ABL2: variants seen among roughly 807,000 people sequenced by gnomAD.
The protein encoded by ABL2 is ABL proto-oncogene 2, non-receptor tyrosine kinase.
Under a neutral mutation model 107.7 loss-of-function variants are expected in ABL2, and 49 were observed. That is an observed-to-expected ratio of 0.45 (90% CI 0.36 to 0.58). The LOEUF is 0.58. ABL2 is among the 20% of genes least tolerant of loss of function. The pLI is 0.00. For missense variants in ABL2, 1,245 were observed against 1,457.0 expected (o/e 0.85, Z 2.37); for synonymous variants, 549 against 548.6 (o/e 1.00, Z -0.01).
rs147108535 is a variant in ABL2 at position 179,100,167 on chromosome 1, A to G, written c.*7551T>C. The G allele has an allele frequency of 1.3e-4, 30 of 230,120 alleles. No individual in the cohort carries two copies. In the Middle Eastern group the frequency reaches 3.9e-3, roughly 30 times the overall value. The allele number at this position is 230,120 out of a possible 1,614,324, so 14.3% of individuals were successfully genotyped here. A position where few individuals can be genotyped will look rare whatever the true frequency, so the allele number is the denominator to read the frequency against. ...ATTGACAATTGGCCTAATCATGGTG[A>G]TTTCTCAAGATCTCAAGAAATTCCT... On this transcript the variant is annotated 3_prime_UTR_variant, in exon 12 of 12. Coordinates refer to ENST00000502732, the MANE Select transcript of ABL2 (RefSeq NM_007314.4).
At chr1:179,194,781 G>A (rs868578785) in intron 1 of ABL2, among the ~76,000 whole-genome samples, 31 of 151,370 alleles carry the variant, frequency 2.0e-4, no homozygotes, top group East Asian at 1.2e-3. Flanking sequence ...AATATGTTGC[G>A]TTTAATATGC....
chr1:179,203,121 A>G (rs1187280800), intron 1 of ABL2, among the ~76,000 whole-genome samples: 2 of 152,198 alleles, frequency 1.3e-5, no homozygotes, highest in African/African-American at 4.8e-5. Context: ...CCGTAATAAA[A>G]CATACTGCAT....
At chr1:179,115,231 C>T (rs1427624065) in intron 8 of ABL2, among the ~76,000 whole-genome samples, 2 of 152,182 alleles carry the variant, frequency 1.3e-5, no homozygotes, top group Non-Finnish European at 1.5e-5. Flanking sequence ...CAGATAATCT[C>T]AAGACAGTTT....
intron 1 of ABL2, among the ~76,000 whole-genome samples, chr1:179,187,744 A>T (rs1308826718): frequency 6.6e-6 from 1 of 152,182 alleles, no homozygotes; most frequent in Non-Finnish European, 1.5e-5. Flanking sequence ...AAGAAATAAT[A>T]CTAACTAAAT....
At chr1:179,112,946 G>T (rs964325856) in intron 9 of ABL2, among the ~76,000 whole-genome samples, 4 of 152,114 alleles carry the variant, frequency 2.6e-5, no homozygotes, top group African/African-American at 9.7e-5. Flanking sequence ...GTAGACAGGG[G>T]TTTCGCCATG....
chr1:179,191,331 G>A (rs1283285818), intron 1 of ABL2, among the ~76,000 whole-genome samples: 1 of 149,614 alleles, frequency 6.7e-6, no homozygotes, highest in Non-Finnish European at 1.5e-5. Flanking sequence ...AAATAAGGCT[G>A]TATACTTTTC....
chr1:179,151,228 C>A (rs1658343326), intron 1 of ABL2, among the ~76,000 whole-genome samples: 1 of 152,200 alleles, frequency 6.6e-6, no homozygotes, highest in Non-Finnish European at 1.5e-5. Context: ...CTCATACACT[C>A]ACATTCACAA....
At chr1:179,130,726 T>TTGTGTGTGTGTGTG (rs10643666) in intron 3 of ABL2, among the ~76,000 whole-genome samples, 64 of 142,808 alleles carry the variant, frequency 4.5e-4, no homozygotes, top group African/African-American at 1.6e-3. Flanking sequence ...ATTATTGATT[T>TTGTGTGTGTGTGTG]TGTGTGTGTG....
At chr1:179,197,023 T>C (rs1288736580) in intron 1 of ABL2, among the ~76,000 whole-genome samples, 1 of 151,956 alleles carries the variant, frequency 6.6e-6, no homozygotes, top group African/African-American at 2.4e-5. Flanking sequence ...ATACAAAAAT[T>C]GAATATATCA....
chr1:179,180,517 T>G (rs909354655), intron 1 of ABL2, among the ~76,000 whole-genome samples: 8 of 152,106 alleles, frequency 5.3e-5, no homozygotes, highest in African/African-American at 1.9e-4. Flanking sequence ...CCATGTTCTA[T>G]CATCAGACTT....
At chr1:179,157,307 C>T (rs917310443) in intron 1 of ABL2, among the ~76,000 whole-genome samples, 2 of 152,066 alleles carry the variant, frequency 1.3e-5, no homozygotes, top group African/African-American at 2.4e-5. Context: ...CCAGCCTGGC[C>T]AACATGGTGA....
intron 1 of ABL2, among the ~76,000 whole-genome samples, chr1:179,166,801 A>T (rs1659414406): frequency 6.6e-6 from 1 of 151,882 alleles, no homozygotes; most frequent in African/African-American, 2.4e-5. Flanking sequence ...AAAAGAAAAA[A>T]TGTTCTGTAT....
At chr1:179,207,271 G>A (rs991511761) in intron 1 of ABL2, among the ~76,000 whole-genome samples, 2 of 151,684 alleles carry the variant, frequency 1.3e-5, no homozygotes, top group African/African-American at 4.8e-5. Context: ...AGGGAGGAAA[G>A]AAAGATTGTG....
chr1:179,153,964 C>T (rs1658528745), intron 1 of ABL2, among the ~76,000 whole-genome samples: 1 of 152,170 alleles, frequency 6.6e-6, no homozygotes, highest in Non-Finnish European at 1.5e-5. Context: ...TTGCTAATGG[C>T]ATATCCAGGC....
At chr1:179,214,087 A>G (rs1299638123) in intron 1 of ABL2, among the ~76,000 whole-genome samples, 1 of 152,228 alleles carries the variant, frequency 6.6e-6, no homozygotes, top group Non-Finnish European at 1.5e-5. Flanking sequence ...ATTAGCAATA[A>G]GCAATTAGGA....
At chr1:179,210,287 C>A (rs2102863996) in intron 1 of ABL2, among the ~76,000 whole-genome samples, 1 of 151,720 alleles carries the variant, frequency 6.6e-6, no homozygotes, top group East Asian at 2.0e-4. Flanking sequence ...GGGCGGATCA[C>A]CTGAGGTAAG....
Position 179,108,633 on chromosome 1 carries a change from C to G in ABL2, c.2634G>C (p.Gly878=). 6.2e-7 allele frequency: 1 copy of G among 1,614,188 alleles called. No individual in the cohort carries two copies. Among genetic ancestry groups the G allele is most frequent in the Non-Finnish European group, 8.5e-7 (1 of 1,180,036 alleles). The change falls in exon 12 of 12, where the codon GGG becomes GGC. Residue 878 remains glycine (G), a synonymous_variant. Coordinates refer to ENST00000502732, the MANE Select transcript of ABL2 (RefSeq NM_007314.4). ...CAGCTGCCACTCCAGCCACTCCCACCCCTGGAGGGTCCTTCTCTGTAATGG... is the reference window on the plus strand; with the variant it reads ...CAGCTGCCACTCCAGCCACTCCCACGCCTGGAGGGTCCTTCTCTGTAATGG... The part of the protein sequence containing the change: ...DLAITEKDPP[G]VGVAGVAAAP...
intron 1 of ABL2, among the ~76,000 whole-genome samples, chr1:179,215,101 A>G (rs1456632121): frequency 6.6e-6 from 1 of 151,876 alleles, no homozygotes; most frequent in Non-Finnish European, 1.5e-5. Flanking sequence ...TGGAGGTTGC[A>G]ATGAGCCGAG....
rs1557903363 is a variant in ABL2, at chr1:179,108,133, T to C, written c.3134A>G (p.Gln1045Arg). 2 of 1,614,236 alleles carry C rather than the reference T, an allele frequency of 1.2e-6. No individual in the cohort carries two copies. Among genetic ancestry groups the C allele is most frequent in the Non-Finnish European group, 1.7e-6 (2 of 1,180,040 alleles). Residue 1045 changes from glutamine (Q) to arginine (R), a missense_variant, in exon 12 of 12, where the codon CAA (glutamine) becomes CGA (arginine). This residue lies in a region of ABL2 where 761 missense variants were observed against 766.4 expected (regional missense o/e 0.99). Transcript: ENST00000502732. Reference protein sequence around the residue: ...KAGRPVMPPPQVPLPTSSISP... With the variant: ...KAGRPVMPPPRVPLPTSSISP... ...GATGGAAGATGTGGGCAGAGGCACT[T>C]GAGGTGGAGGCATCACTGGCCTCCC...
Sources: gnomAD v4.1 joint callset for allele counts (sites outside exome capture counted in the v4.1 genomes callset) on GRCh38, gnomAD v4.1.1 for gene constraint, gnomAD v4.1.1 regional missense constraint, MANE v1.5 for transcripts, NCBI Gene and HGNC (gene_info 2026-07-23, HGNC 2026-07-21) for gene names.